The following PPA2 variants were observed in gnomAD, a reference collection of about 807,000 sequenced individuals.
The protein encoded by PPA2 is inorganic pyrophosphatase 2, mitochondrial.
Under a neutral mutation model 49.5 loss-of-function variants are expected in PPA2, and 48 were observed. The observed-to-expected ratio is 0.97, with a 90% confidence interval of 0.77 to 1.23. PPA2 has a LOEUF of 1.23. Ranked by LOEUF, PPA2 falls within the 50% of genes most tolerant of loss-of-function variation. The pLI is 0.00. For synonymous variants in PPA2, 131 were observed against 139.9 expected, an observed-to-expected ratio of 0.94 and a Z score of 0.45; for missense variants, 429 against 410.1, an observed-to-expected ratio of 1.05 and a Z score of -0.40.
intron 1 of PPA2, 148 bp from the exon 2 acceptor site, chr4:105,456,893 CT>C: frequency 1.8e-6 from 1 of 543,238 alleles, no homozygotes; most frequent in Non-Finnish European, 3.0e-6. Flanking sequence ...GTTAATTCAA[CT>C]TTTAAAACTT....
rs112734002 is a variant in PPA2, at chr4:105,369,463, T to C, written c.*262A>G. The C allele has an allele frequency of 0.11, 44,052 of 397,326 alleles. 2,783 individuals are homozygous for C. The highest frequency in any genetic ancestry group is 0.15 in the African/African-American group (7,127 of 48,390). The allele number at this position is 397,326 out of a possible 1,614,324, so 24.6% of individuals were successfully genotyped here. A position where few individuals can be genotyped will look rare whatever the true frequency, so the allele number is the denominator to read the frequency against. ...TGGTCTTGAACTCCTGACCTTGTGA[T>C]CTGCCCACCTCGGCCTCCCAAAGTG... is the stretch of plus-strand genomic sequence containing the variant. On this transcript the variant is annotated 3_prime_UTR_variant, in exon 12 of 12. Coordinates refer to ENST00000341695, the MANE Select transcript of PPA2 (RefSeq NM_176869.3).
intron 7 of PPA2, among the ~76,000 whole-genome samples, chr4:105,413,555 TAGAAG>T (rs1722862383): frequency 6.6e-6 from 1 of 152,184 alleles, no homozygotes; most frequent in Non-Finnish European, 1.5e-5. Context: ...TATGCCTTAT[TAGAAG>T]TCTTCATAAT....
At position 105,369,515 on chromosome 4, in the gene PPA2, G is replaced by C. The variant is rs34302818; in HGVS notation, c.*210C>G. The C allele has an allele frequency of 5.8e-6, 3 of 521,424 alleles. No homozygotes were observed. The highest frequency in any genetic ancestry group is 1.0e-5 in the Non-Finnish European group (3 of 295,332). 32.3% of individuals were successfully genotyped at this position (521,424 alleles called of 1,614,324 possible). ...TGAAATTACAGGCATGAGCCACCGT[G>C]CCTGGCCAAAATCTTCTTTTTATAT... On this transcript the variant is annotated 3_prime_UTR_variant, in exon 12 of 12. Coordinates refer to ENST00000341695, the MANE Select transcript of PPA2 (RefSeq NM_176869.3).
chr4:105,431,611 A>C (rs1016926611), intron 6 of PPA2, among the ~76,000 whole-genome samples: 4 of 152,224 alleles, frequency 2.6e-5, no homozygotes, highest in Non-Finnish European at 5.9e-5. Context: ...AAGAGTATTC[A>C]AACAAAAACT....
chr4:105,438,280 A>G (rs1724163579), intron 5 of PPA2, among the ~76,000 whole-genome samples: 1 of 152,196 alleles, frequency 6.6e-6, no homozygotes, highest in Non-Finnish European at 1.5e-5. Context: ...TGGGTGGTAT[A>G]TGCAGACATA....
chr4:105,411,322 AC>A (rs1419397666), intron 7 of PPA2, among the ~76,000 whole-genome samples: 2 of 152,256 alleles, frequency 1.3e-5, no homozygotes, highest in African/African-American at 4.8e-5. Context: ...GAAGGCCATT[AC>A]ATAACAGTAA....
intron 5 of PPA2, among the ~76,000 whole-genome samples, chr4:105,445,477 A>G (rs1722337900): frequency 7.4e-6 from 1 of 135,536 alleles, no homozygotes; most frequent in South Asian, 2.7e-4. Flanking sequence ...CTGACTCTTT[A>G]GAAAACAATT....
chr4:105,371,142 G>T (rs947541618), intron 10 of PPA2, among the ~76,000 whole-genome samples: 2 of 152,150 alleles, frequency 1.3e-5, no homozygotes, highest in Non-Finnish European at 2.9e-5. Flanking sequence ...AGCTAGGAAT[G>T]AGAAGAGAGG....
At chr4:105,431,929 G>T (rs72950555) in intron 6 of PPA2, among the ~76,000 whole-genome samples, 5,019 of 152,246 alleles carry the variant, frequency 0.033, 274 homozygotes, top group African/African-American at 0.11. Context: ...GCCAGTTAGA[G>T]AATGAAATGG....
At position 105,406,046 on chromosome 4, in the gene PPA2, TC is replaced by T. The variant is rs1722455882; in HGVS notation, c.656-6883del. 5 of 162,788 alleles carry T rather than the reference TC, an allele frequency of 3.1e-5. No individual in the cohort carries two copies. The Admixed American group carries it at 3.3e-4, about 11-fold the overall frequency. 10.1% of individuals were successfully genotyped at this position (162,788 alleles called of 1,614,324 possible). A position where few individuals can be genotyped will look rare whatever the true frequency, so the allele number is the denominator to read the frequency against. The stretch of plus-strand genomic sequence containing the variant: ...GTTATTATGAATATGTTCAGGACTT[TC>T]AGGAAACATGGTCACAATGCACGAA... On this transcript the variant is annotated intron_variant, in intron 7 of 11. Coordinates refer to ENST00000341695, the MANE Select transcript of PPA2 (RefSeq NM_176869.3).
At chr4:105,376,561 G>A (rs1372517890) in intron 10 of PPA2, among the ~76,000 whole-genome samples, 1 of 152,140 alleles carries the variant, frequency 6.6e-6, no homozygotes, top group East Asian at 1.9e-4. Context: ...GTCAGACTGA[G>A]GGTGCTGAGA....
rs114038603 is a variant in PPA2 at position 105,374,371 on chromosome 4, G to A, written c.940-3498C>T. Among the ~76,000 whole-genome samples the A allele has an allele frequency of 9.9e-3, 1,506 of 152,152 alleles. 33 individuals are homozygous for A. Among genetic ancestry groups the A allele is most frequent in the African/African-American group, 0.034 (1,418 of 41,514 alleles). ...AGCTCAGGAGTTTGAGACCAGCCCC[G>A]GCAACATAGTGAGACTGTGTCTTTT... On this transcript the variant is annotated intron_variant, in intron 10 of 11. Coordinates refer to ENST00000341695, the MANE Select transcript of PPA2 (RefSeq NM_176869.3).
At chr4:105,464,499 C>T (rs1160446326) in intron 1 of PPA2, among the ~76,000 whole-genome samples, 3 of 152,098 alleles carry the variant, frequency 2.0e-5, no homozygotes, top group Non-Finnish European at 4.4e-5. Flanking sequence ...GTTGGGAAGG[C>T]ATGTTGGTTT....
chr4:105,406,195 G>GA (rs1457347461), intron 7 of PPA2, among the ~76,000 whole-genome samples: 420 of 145,108 alleles, frequency 2.9e-3, no homozygotes, highest in African/African-American at 0.01. Flanking sequence ...GATATGGCAG[G>GA]AAAAAAACAA....
chr4:105,425,689 T>G (rs540188818), intron 6 of PPA2, among the ~76,000 whole-genome samples: 8 of 150,862 alleles, frequency 5.3e-5, no homozygotes, highest in African/African-American at 1.7e-4. Flanking sequence ...ATGAAAAGTA[T>G]AAACCCCACA....
chr4:105,426,165 A>G (rs1267032871), intron 6 of PPA2, among the ~76,000 whole-genome samples: 2 of 152,198 alleles, frequency 1.3e-5, no homozygotes, highest in African/African-American at 4.8e-5. Context: ...TTATATATAT[A>G]CATAATGACT....
intron 8 of PPA2, among the ~76,000 whole-genome samples, chr4:105,398,116 C>G (rs966917728): frequency 6.6e-6 from 1 of 151,898 alleles, no homozygotes; most frequent in African/African-American, 2.4e-5. Flanking sequence ...TTTACAAATT[C>G]GTGACTTGGC....
In PPA2 at chr4:105,445,196, G is replaced by A. The variant is rs115513936; in HGVS notation, c.441+1187C>T. 6.9e-3 allele frequency among the ~76,000 whole-genome samples: 1,043 copies of A among 152,148 alleles called. 14 individuals carry two copies. The highest frequency in any genetic ancestry group is 0.024 in the African/African-American group (982 of 41,520). On this transcript the variant is annotated intron_variant, in intron 5 of 11. Coordinates refer to ENST00000341695, the MANE Select transcript of PPA2 (RefSeq NM_176869.3). ...TTTATTCTCTAGCTCCTCTACTTAC[G>A]TCTCTGTTTTTGTCTGTCTCTAATT... is the stretch of plus-strand genomic sequence containing the variant.
At position 105,369,498 on chromosome 4, in the gene PPA2, C is replaced by A; in HGVS notation, c.*227G>T. Reference sequence around the variant, plus strand: ...TCGGCCTCCCAAAGTGCTGAAATTACAGGCATGAGCCACCGTGCCTGGCCA... The same window carrying A: ...TCGGCCTCCCAAAGTGCTGAAATTAAAGGCATGAGCCACCGTGCCTGGCCA... On this transcript the variant is annotated 3_prime_UTR_variant, in exon 12 of 12. Transcript: ENST00000341695. 2 of 481,816 alleles carry A rather than the reference C, an allele frequency of 4.2e-6. No homozygotes were observed. The highest frequency in any genetic ancestry group is 7.4e-6 in the Non-Finnish European group (2 of 269,988). The allele number at this position is 481,816 out of a possible 1,614,324, so 29.8% of individuals were successfully genotyped here.
Sources: allele counts gnomAD v4.1 joint callset (sites outside exome capture counted in the v4.1 genomes callset), GRCh38; gene constraint gnomAD v4.1.1; transcripts MANE v1.5; gene names NCBI Gene and HGNC (gene_info 2026-07-23, HGNC 2026-07-21).